ZNF644: variants seen among roughly 807,000 people sequenced by gnomAD.
ZNF644 encodes zinc finger protein 644.
A neutral mutation model predicts 108.0 loss-of-function variants in ZNF644; 20 were observed. The observed-to-expected ratio is 0.19, with a 90% confidence interval of 0.13 to 0.27. The LOEUF (loss-of-function observed/expected upper bound fraction) is 0.27, where lower values mean the gene tolerates loss of function less well. Ranked by LOEUF, ZNF644 falls within the 10% of genes least tolerant of loss-of-function variation. ZNF644 has a pLI of 1.00. For synonymous variants in ZNF644, 542 were observed against 539.1 expected, an observed-to-expected ratio of 1.01 and a Z score of -0.08; for missense variants, 1,338 against 1,548.9, an observed-to-expected ratio of 0.86 and a Z score of 2.29.
chr1:90,963,147 C>T (rs749896798), intron 2 of ZNF644, among the ~76,000 whole-genome samples: 1 of 151,918 alleles, frequency 6.6e-6, no homozygotes, highest in Non-Finnish European at 1.5e-5. Context: ...ATGTATAAAC[C>T]ATATAGTTCC....
At chr1:91,014,067 TGATA>T (rs1489770232) in intron 1 of ZNF644, among the ~76,000 whole-genome samples, 3 of 152,204 alleles carry the variant, frequency 2.0e-5, no homozygotes, top group African/African-American at 7.2e-5. Context: ...CTTCTTAAAC[TGATA>T]AATACAAATT....
intron 2 of ZNF644, among the ~76,000 whole-genome samples, chr1:90,967,462 C>T (rs74099881): frequency 0.012 from 1,774 of 152,194 alleles, 31 homozygotes; most frequent in African/African-American, 0.04. Flanking sequence ...AGTTCCAAAA[C>T]ATAAAACATA....
Position 91,000,719 on chromosome 1 carries a change from C to T in ZNF644, c.-17-18349G>A, listed in dbSNP as rs538834978. On this transcript the variant is annotated intron_variant, in intron 1 of 5. Coordinates refer to ENST00000337393, the MANE Select transcript of ZNF644 (RefSeq NM_201269.3). ...TGAAGGAGATAGAGACACAAAACAC[C>T]CTTCAAAAAAATCAATGAATCCAGG... Among the ~76,000 whole-genome samples the T allele has an allele frequency of 3.6e-4, 54 of 152,050 alleles. 1 individual carries two copies. The East Asian group carries it at 0.01, about 28-fold the overall frequency.
chr1:90,982,260 T>C, intron 2 of ZNF644, 50 bp downstream of exon 2: 2 of 1,453,958 alleles, frequency 1.4e-6, no homozygotes, highest in Non-Finnish European at 1.9e-6. Context: ...AATTTTTTTG[T>C]ATTATTCCTA....
In ZNF644 at chr1:90,938,199, C is replaced by T; in HGVS notation, c.3082+73G>A. Reference sequence around the variant, plus strand: ...TTATGATTCTAATAAAGACTAAATTCAAAAAAAACTTTTAAATCTTCAGAA... The same window carrying T: ...TTATGATTCTAATAAAGACTAAATTTAAAAAAAACTTTTAAATCTTCAGAA... On this transcript the variant is annotated intron_variant, in intron 3 of 5. Coordinates refer to ENST00000337393, the MANE Select transcript of ZNF644 (RefSeq NM_201269.3). The surrounding 1 kb of genome is among the most constrained non-coding windows in gnomAD (Gnocchi z 4.2). The T allele has an allele frequency of 1.9e-6, 3 of 1,609,486 alleles. No homozygotes were observed. Among genetic ancestry groups the T allele is most frequent in the Non-Finnish European group, 1.7e-6 (2 of 1,176,968 alleles).
intron 2 of ZNF644, among the ~76,000 whole-genome samples, chr1:90,951,135 A>G (rs1653116339): frequency 6.6e-6 from 1 of 152,222 alleles, no homozygotes. Flanking sequence ...CATCACTGCT[A>G]TACCCAGATC....
intron 2 of ZNF644, among the ~76,000 whole-genome samples, chr1:90,952,843 C>T (rs576026345): frequency 7.9e-4 from 120 of 151,926 alleles, no homozygotes; most frequent in Non-Finnish European, 1.5e-3. Flanking sequence ...TGACAAAACA[C>T]ATCAAGCCAA....
At chr1:90,949,893 G>A (rs1652904890) in intron 2 of ZNF644, among the ~76,000 whole-genome samples, 1 of 152,086 alleles carries the variant, frequency 6.6e-6, no homozygotes, top group African/African-American at 2.4e-5. Context: ...TTTAGCAATA[G>A]GATTCCCAGT....
intron 1 of ZNF644, among the ~76,000 whole-genome samples, chr1:91,013,301 C>T (rs532276984): frequency 7.8e-4 from 118 of 152,226 alleles, no homozygotes; most frequent in African/African-American, 2.7e-3. Flanking sequence ...GTCTCAAACT[C>T]CTGACCTCAG....
intron 2 of ZNF644, among the ~76,000 whole-genome samples, chr1:90,954,311 T>G (rs975625216): frequency 2.0e-5 from 3 of 152,214 alleles, no homozygotes; most frequent in African/African-American, 7.2e-5. Context: ...ACGAGTAGAC[T>G]CCCTCTCAAG....
chr1:90,971,938 T>C (rs1368203658), intron 2 of ZNF644, among the ~76,000 whole-genome samples: 2 of 152,184 alleles, frequency 1.3e-5, no homozygotes, highest in Non-Finnish European at 2.9e-5. Flanking sequence ...TTATTCCGTT[T>C]GCATTTTAAG....
At chr1:90,917,953 T>C in intron 5 of ZNF644, 99 bp downstream of exon 5, 1 of 954,388 alleles carries the variant, frequency 1.0e-6, no homozygotes. Context: ...TTGTTGAGAA[T>C]GCACTCTGCC....
At chr1:91,013,784 G>A (rs979696488) in intron 1 of ZNF644, among the ~76,000 whole-genome samples, 4 of 152,052 alleles carry the variant, frequency 2.6e-5, no homozygotes, top group Admixed American at 2.6e-4. Flanking sequence ...TGTGCTTTAA[G>A]TATGTAATAC....
At chr1:90,964,863 T>C (rs925062953) in intron 2 of ZNF644, among the ~76,000 whole-genome samples, 3 of 152,178 alleles carry the variant, frequency 2.0e-5, no homozygotes, top group African/African-American at 7.2e-5. Flanking sequence ...TTAAAAATTT[T>C]CTTGGAAGGC....
In ZNF644 at chr1:90,916,984, A is replaced by G. The variant is rs1648833200; in HGVS notation, c.3798T>C (p.Cys1266=). Residue 1266 remains cysteine (C), a synonymous_variant, in exon 6 of 6, where the codon TGT becomes TGC. Coordinates refer to ENST00000337393, the MANE Select transcript of ZNF644 (RefSeq NM_201269.3). ...ACAAGGGTCCTCGAAAGACTAGGCC[A>G]CAAAACCTACAGAAAGATAACAATT... ...DEVYILRCRF[C]GLVFRGPLSV... 1 of 1,614,098 alleles carries G rather than the reference A, an allele frequency of 6.2e-7. No homozygotes were observed. The highest frequency in any genetic ancestry group is 1.3e-5 in the African/African-American group (1 of 74,944).
At chr1:90,966,017 C>G (rs1159741481) in intron 2 of ZNF644, among the ~76,000 whole-genome samples, 1 of 152,154 alleles carries the variant, frequency 6.6e-6, no homozygotes, top group Non-Finnish European at 1.5e-5. Context: ...TCCCAAAGTG[C>G]CTGGCTTATA....
At position 90,915,994 on chromosome 1, in the gene ZNF644, G is replaced by A. The variant is rs1648724859; in HGVS notation, c.*804C>T. 1 of 152,448 alleles carries A rather than the reference G, an allele frequency of 6.6e-6. No individual in the cohort carries two copies. The highest frequency in any genetic ancestry group is 1.5e-5 in the Non-Finnish European group (1 of 67,966). The allele number at this position is 152,448 out of a possible 1,614,324, so 9.4% of individuals were successfully genotyped here. A position where few individuals can be genotyped will look rare whatever the true frequency, so the allele number is the denominator to read the frequency against. On this transcript the variant is annotated 3_prime_UTR_variant, in exon 6 of 6. Transcript: ENST00000337393. ...AAACCTGTTAACAAAAGAATGTCTT[G>A]CAATAAAGAACATTAGATTTTTAAA...
chr1:90,962,851 T>C (rs1225883882), intron 2 of ZNF644, among the ~76,000 whole-genome samples: 1 of 152,074 alleles, frequency 6.6e-6, no homozygotes, highest in African/African-American at 2.4e-5. Flanking sequence ...AGAAGCATAG[T>C]TTCTGAGCCT....
At chr1:91,005,307 A>C (rs1403507048) in intron 1 of ZNF644, among the ~76,000 whole-genome samples, 1 of 152,134 alleles carries the variant, frequency 6.6e-6, no homozygotes, top group Non-Finnish European at 1.5e-5. Context: ...TGTACACCTA[A>C]TAAGAGAACC....
Sources: allele counts gnomAD v4.1 joint callset (sites outside exome capture counted in the v4.1 genomes callset), GRCh38; gene constraint gnomAD v4.1.1; non-coding constraint Gnocchi (gnomAD v3.1); transcripts MANE v1.5; gene names NCBI Gene and HGNC (gene_info 2026-07-23, HGNC 2026-07-21).